The following PTGFRN variants were observed in gnomAD, a reference collection of about 807,000 sequenced individuals.
The protein encoded by PTGFRN is prostaglandin F2 receptor inhibitor, also known as prostaglandin F2 receptor negative regulator.
Under a neutral mutation model 83.2 loss-of-function variants are expected in PTGFRN, and 35 were observed. The ratio of observed to expected loss-of-function variants is 0.42; its 90% CI spans 0.32 to 0.56. The LOEUF (loss-of-function observed/expected upper bound fraction) is 0.56. Ranked by LOEUF, PTGFRN falls within the 20% of genes least tolerant of loss-of-function variation. The pLI is 0.11. For missense variants in PTGFRN, 1,051 were observed against 1,179.5 expected, an observed-to-expected ratio of 0.89 and a Z score of 1.60; for synonymous variants, 519 against 498.6, an observed-to-expected ratio of 1.04 and a Z score of -0.55.
chr1:116,943,839 A>G (rs750226196), intron 2 of PTGFRN, among the ~76,000 whole-genome samples: 7 of 151,010 alleles, frequency 4.6e-5, no homozygotes, highest in East Asian at 2.0e-4. Flanking sequence ...AATTGGGGGG[A>G]AAAAAAAACA....
At position 116,967,211 on chromosome 1, in the gene PTGFRN, T is replaced by C; in HGVS notation, c.1940T>C (p.Val647Ala). The C allele has an allele frequency of 6.2e-7, 1 of 1,614,144 alleles. No homozygotes were observed. Among genetic ancestry groups the C allele is most frequent in the Non-Finnish European group, 8.5e-7 (1 of 1,180,026 alleles). The change falls in exon 6 of 9, where the codon GTC becomes GCC. Residue 647 changes from valine to alanine, a missense_variant. Val to Ala is a moderately conservative substitution (Grantham distance 64). Around this residue, in one of 3 missense-constraint regions of PTGFRN, gnomAD observed 719 missense variants for 836.6 expected, o/e 0.86. Transcript: ENST00000393203. ...EFRYRMYQTQVSDAGLYRCMV... is the reference protein window; with the variant it reads ...EFRYRMYQTQASDAGLYRCMV... ...CGCTATCGAATGTACCAGACTCAGG[T>C]CTCAGACGCAGGGCTGTACCGCTGC...
At chr1:116,914,843 T>C (rs1649360442) in intron 1 of PTGFRN, among the ~76,000 whole-genome samples, 1 of 144,802 alleles carries the variant, frequency 6.9e-6, no homozygotes, top group Admixed American at 6.9e-5. Context: ...ATACTGAGTA[T>C]TTTGTTTTTT....
intron 8 of PTGFRN, among the ~76,000 whole-genome samples, chr1:116,985,744 G>A (rs4659048): frequency 0.2 from 30,005 of 151,306 alleles, 3,832 homozygotes; most frequent in Admixed American, 0.36. Flanking sequence ...GGAGTCAGTG[G>A]CACAGAGTGG....
chr1:116,933,783 C>T (rs923378215), intron 1 of PTGFRN, among the ~76,000 whole-genome samples: 2 of 152,146 alleles, frequency 1.3e-5, no homozygotes, highest in African/African-American at 2.4e-5. Flanking sequence ...GCATCATTTC[C>T]GTTGAAAGTT....
Position 116,941,769 on chromosome 1 carries a change from T to C in PTGFRN, c.104T>C (p.Val35Ala), listed in dbSNP as rs1469959312. The C allele has an allele frequency of 1.9e-6, 3 of 1,614,094 alleles. No homozygotes were observed. The East Asian group carries it at 6.7e-5, about 36-fold the overall frequency. Residue 35 changes from valine (V) to alanine (A), a missense_variant, in exon 2 of 9, where the codon GTG becomes GCG. Val to Ala is a moderately conservative substitution (Grantham distance 64). Around this residue, in one of 3 missense-constraint regions of PTGFRN, gnomAD observed 127 missense variants for 168.4 expected, o/e 0.75. Transcript: ENST00000393203. This position sits in a 1 kb window ranked among gnomAD's most constrained non-coding sequence, Gnocchi z 5.0. Reference protein sequence around the residue: ...RVPTATLVRVVGTELVIPCNV... With the variant: ...RVPTATLVRVAGTELVIPCNV... ...CCCACAGCGACCCTGGTTCGAGTGG[T>C]GGGCACTGAGCTGGTCATCCCCTGC...
At chr1:116,934,180 G>A (rs1450249577) in intron 1 of PTGFRN, among the ~76,000 whole-genome samples, 1 of 151,872 alleles carries the variant, frequency 6.6e-6, no homozygotes, top group Non-Finnish European at 1.5e-5. Context: ...GGGTCTTACT[G>A]TGTTGCCCAG....
intron 5 of PTGFRN, among the ~76,000 whole-genome samples, 190 bp from the exon 6 acceptor site, chr1:116,966,721 C>T (rs1362322471): frequency 6.6e-6 from 1 of 152,262 alleles, no homozygotes; most frequent in Non-Finnish European, 1.5e-5. Flanking sequence ...CAGACTATTA[C>T]TTTCAATGGG....
At chr1:116,971,288 A>G (rs562633773) in intron 6 of PTGFRN, among the ~76,000 whole-genome samples, 2 of 152,310 alleles carry the variant, frequency 1.3e-5, no homozygotes, top group Admixed American at 1.3e-4. Context: ...TTGCTTAGCC[A>G]TTACCCTATT....
At position 116,952,659 on chromosome 1, in the gene PTGFRN, A is replaced by AT. The variant is rs1650380590; in HGVS notation, c.1213+3087_1213+3088insT. Among the ~76,000 whole-genome samples the AT allele has an allele frequency of 6.6e-6, 1 of 152,250 alleles. No individual in the cohort carries two copies. Among genetic ancestry groups the AT allele is most frequent in the Admixed American group, 6.5e-5 (1 of 15,282 alleles). On this transcript the variant is annotated intron_variant, in intron 4 of 8. Transcript: ENST00000393203. This position sits in a 1 kb window ranked among gnomAD's most constrained non-coding sequence, Gnocchi z 4.0. Reference sequence around the variant, plus strand: ...GACAAAAAAAAAGATGTGATTATACAGTTCTCCTCTGAGGAAGGAAAACAT... The same window carrying AT: ...GACAAAAAAAAAGATGTGATTATACATGTTCTCCTCTGAGGAAGGAAAACAT...
At position 116,910,043 on chromosome 1, in the gene PTGFRN, C is replaced by T; in HGVS notation, c.-161C>T. On this transcript the variant is annotated 5_prime_UTR_variant, in exon 1 of 9. The change creates a new upstream start codon in the 5' untranslated region. Transcript: ENST00000393203. ...GCGAGCGGAGCCAGGGGCGCACGTA[C>T]GCCCCAGCGCTGGGATTTATCGGCT... 1 of 792,816 alleles carries T rather than the reference C, an allele frequency of 1.3e-6. No homozygotes were observed. The highest frequency in any genetic ancestry group is 2.1e-6 in the Non-Finnish European group (1 of 483,804). 49.1% of individuals were successfully genotyped at this position (792,816 alleles called of 1,614,324 possible).
chr1:116,953,674 C>T (rs1220561618), intron 4 of PTGFRN, among the ~76,000 whole-genome samples: 1 of 151,700 alleles, frequency 6.6e-6, no homozygotes, highest in East Asian at 1.9e-4. Context: ...TGGAGGAGCC[C>T]AGCATAGAGG....
intron 1 of PTGFRN, among the ~76,000 whole-genome samples, chr1:116,938,673 C>A (rs553748228): frequency 6.6e-6 from 1 of 152,212 alleles, no homozygotes; most frequent in Non-Finnish European, 1.5e-5. Flanking sequence ...CATGTCCTCA[C>A]ATTTCAAAAC....
intron 7 of PTGFRN, among the ~76,000 whole-genome samples, chr1:116,976,965 T>C (rs911553348): frequency 3.3e-5 from 5 of 152,206 alleles, no homozygotes; most frequent in Non-Finnish European, 7.3e-5. Flanking sequence ...CAGTGTGCTA[T>C]ATTCAGGAGA....
intron 6 of PTGFRN, among the ~76,000 whole-genome samples, chr1:116,969,913 A>G (rs1382235126): frequency 6.6e-6 from 1 of 152,200 alleles, no homozygotes; most frequent in Non-Finnish European, 1.5e-5. Context: ...GTTTCATAGA[A>G]GTACAACTGG....
At chr1:116,938,727 C>T (rs1649982750) in intron 1 of PTGFRN, among the ~76,000 whole-genome samples, 2 of 152,196 alleles carry the variant, frequency 1.3e-5, no homozygotes, top group Non-Finnish European at 2.9e-5. Context: ...TAACTCATTT[C>T]AGCATTAACT....
rs911401051 is a variant in PTGFRN at position 116,944,809 on chromosome 1, G to C, written c.549G>C (p.Leu183=). 2 of 1,571,714 alleles carry C rather than the reference G, an allele frequency of 1.3e-6. No homozygotes were observed. The highest frequency in any genetic ancestry group is 3.6e-5 in the Admixed American group (2 of 54,974). ...SASPLHTHLA[L]LWEVHRGPAR... is the part of the protein sequence containing the mutation. ...CGCCGCTGCACACGCACCTGGCGCTGCTGTGGGAGGTGCACCGCGGCCCGG... is the reference window on the plus strand; with the variant it reads ...CGCCGCTGCACACGCACCTGGCGCTCCTGTGGGAGGTGCACCGCGGCCCGG... The change falls in exon 3 of 9, where the codon CTG becomes CTC. Residue 183 remains leucine, a synonymous_variant. Transcript: ENST00000393203.
rs1651419707 is a variant in PTGFRN at position 116,984,917 on chromosome 1, C to T, written c.2405C>T (p.Pro802Leu). 13 of 1,614,030 alleles carry T rather than the reference C, an allele frequency of 8.1e-6. No individual in the cohort carries two copies. Among genetic ancestry groups the T allele is most frequent in the African/African-American group, 1.3e-5 (1 of 74,916 alleles). ...YCSVTPWVKS[P>L]TGSWQKEAEI... ...TCCGTGACTCCATGGGTGAAGTCACCAACAGGTTCCTGGCAGAAGGAGGCA... is the reference window on the plus strand; with the variant it reads ...TCCGTGACTCCATGGGTGAAGTCACTAACAGGTTCCTGGCAGAAGGAGGCA... The change falls in exon 8 of 9, where the codon CCA becomes CTA. Residue 802 changes from proline (P) to leucine (L), a missense_variant. Physicochemically the swap from Pro to Leu is moderately conservative, Grantham distance 98 (BLOSUM62 -3). Around this residue, in one of 3 missense-constraint regions of PTGFRN, gnomAD observed 719 missense variants for 836.6 expected, o/e 0.86. Transcript: ENST00000393203.
chr1:116,911,267 G>A (rs924893726), intron 1 of PTGFRN, among the ~76,000 whole-genome samples: 1 of 152,200 alleles, frequency 6.6e-6, no homozygotes. Flanking sequence ...TCTCTTCCAA[G>A]CCCCTAGAGA....
intron 4 of PTGFRN, among the ~76,000 whole-genome samples, chr1:116,955,449 TCCAGACA>T (rs989413040): frequency 1.3e-4 from 20 of 152,218 alleles, no homozygotes; most frequent in African/African-American, 4.8e-4. Flanking sequence ...TCTTCCCTAT[TCCAGACA>T]CCAGACACAC....
Sources: gnomAD v4.1 joint callset for allele counts (sites outside exome capture counted in the v4.1 genomes callset) on GRCh38, gnomAD v4.1.1 for gene constraint, gnomAD v4.1.1 regional missense constraint, Gnocchi (gnomAD v3.1) non-coding constraint, MANE v1.5 for transcripts, NCBI Gene and HGNC (gene_info 2026-07-23, HGNC 2026-07-21) for gene names.